TNRC6C: variants seen among roughly 807,000 people sequenced by gnomAD.
TNRC6C encodes trinucleotide repeat-containing gene 6C protein.
Under a neutral mutation model 153.7 loss-of-function variants are expected in TNRC6C, and 20 were observed. The ratio of observed to expected loss-of-function variants is 0.13; its 90% CI spans 0.09 to 0.19. The LOEUF is 0.19. Ranked by LOEUF, TNRC6C falls within the 10% of genes least tolerant of loss-of-function variation. The pLI, the probability that TNRC6C is intolerant of heterozygous loss-of-function variation, is 1.00. For synonymous variants in TNRC6C, 811 were observed against 841.4 expected (o/e 0.96, Z 0.63); for missense variants, 1,987 against 2,172.0 (o/e 0.91, Z 1.69).
At chr17:77,961,219 G>T (rs940545467) in intron 1 of TNRC6C, among the ~76,000 whole-genome samples, 4 of 150,106 alleles carry the variant, frequency 2.7e-5, no homozygotes, top group Admixed American at 6.6e-5. Context: ...GCAATGGCAC[G>T]ATCTCGGGTC....
chr17:78,090,587 A>G (rs1392612934), intron 13 of TNRC6C, among the ~76,000 whole-genome samples: 1 of 152,182 alleles, frequency 6.6e-6, no homozygotes, highest in African/African-American at 2.4e-5. Context: ...GCTCCAAACT[A>G]GTGTCCTCAT....
chr17:78,060,101 A>G (rs1280673008), intron 3 of TNRC6C, among the ~76,000 whole-genome samples: 1 of 152,154 alleles, frequency 6.6e-6, no homozygotes. Context: ...CCTCAAACAG[A>G]GTCCCCTGAC....
At chr17:77,964,593 C>A (rs75913502) in intron 1 of TNRC6C, among the ~76,000 whole-genome samples, 1 of 152,132 alleles carries the variant, frequency 6.6e-6, no homozygotes, top group Non-Finnish European at 1.5e-5. Flanking sequence ...AAGATCATTT[C>A]TTTTTAATTA....
intron 1 of TNRC6C, among the ~76,000 whole-genome samples, 182 bp downstream of exon 1, chr17:77,959,450 C>CGT (rs1198372206): frequency 6.6e-6 from 1 of 151,658 alleles, no homozygotes; most frequent in Non-Finnish European, 1.5e-5. Flanking sequence ...GGCCGGGGCG[C>CGT]GTGTGTGCTA....
At chr17:77,995,942 C>A (rs73997896) in intron 1 of TNRC6C, among the ~76,000 whole-genome samples, 16,561 of 152,142 alleles carry the variant, frequency 0.11, 1,673 homozygotes, top group African/African-American at 0.27. Context: ...GCATGGTGAT[C>A]TGTGCCTGTA....
intron 1 of TNRC6C, among the ~76,000 whole-genome samples, chr17:77,994,050 G>A (rs1246469184): frequency 2.0e-5 from 3 of 151,968 alleles, no homozygotes; most frequent in South Asian, 2.1e-4. Flanking sequence ...AAAATTAGCC[G>A]GGCATTGTGG....
At chr17:77,958,278 C>G (rs2070825464), upstream of TNRC6C, among the ~76,000 whole-genome samples, 1 of 152,024 alleles carries the variant, frequency 6.6e-6, no homozygotes, top group Non-Finnish European at 1.5e-5. Context: ...AGCACCCTAA[C>G]GCGGAGCCAC....
intron 1 of TNRC6C, among the ~76,000 whole-genome samples, chr17:77,997,848 G>T (rs1032555888): frequency 6.6e-6 from 1 of 151,724 alleles, no homozygotes; most frequent in Non-Finnish European, 1.5e-5. Flanking sequence ...TAGAGACGGG[G>T]TTTCACCGTG....
chr17:78,035,151 ATGACTTTGTT>A (rs771752986), intron 2 of TNRC6C, among the ~76,000 whole-genome samples: 12 of 152,094 alleles, frequency 7.9e-5, no homozygotes, highest in Admixed American at 1.3e-4. Context: ...CACCATTCCA[ATGACTTTGTT>A]TGATTTTGTC....
At chr17:78,069,393 T>C (rs2072946279) in intron 5 of TNRC6C, among the ~76,000 whole-genome samples, 1 of 152,098 alleles carries the variant, frequency 6.6e-6, no homozygotes, top group African/African-American at 2.4e-5. Context: ...AGCCAGCGTT[T>C]TGATTTTTTT....
At chr17:78,004,275 G>T, upstream of TNRC6C, 1 of 1,231,714 alleles carries the variant, frequency 8.1e-7, no homozygotes, top group Non-Finnish European at 1.0e-6. Context: ...AAAAGGTTTG[G>T]CTGAAGTTCC....
chr17:78,038,313 G>A (rs903883551), intron 2 of TNRC6C, among the ~76,000 whole-genome samples: 6 of 152,106 alleles, frequency 3.9e-5, no homozygotes, highest in African/African-American at 1.4e-4. Flanking sequence ...TCCCATAGAA[G>A]AATGGGCAAA....
Position 78,093,097 on chromosome 17 carries a change from A to G in TNRC6C, c.4135A>G (p.Asn1379Asp), listed in dbSNP as rs368032653. Residue 1379 changes from asparagine to aspartate, a missense_variant, in exon 15 of 20, where the codon AAT (asparagine) becomes GAT (aspartate). Around this residue, in one of 4 missense-constraint regions of TNRC6C, gnomAD observed 765 missense variants for 908.6 expected, o/e 0.84. Transcript: ENST00000301624. Reference sequence around the variant, plus strand: ...CAAATCTGACAGTGATAAAATCTCAAATGGCTCTAGCATCAACTGGCCCCC... The same window carrying G: ...CAAATCTGACAGTGATAAAATCTCAGATGGCTCTAGCATCAACTGGCCCCC... 2.5e-6 allele frequency: 4 copies of G among 1,613,054 alleles called. No individual in the cohort carries two copies. In the African/African-American group the frequency reaches 4.0e-5, roughly 16 times the overall value.
chr17:78,053,169 G>T (rs570253353), intron 3 of TNRC6C, among the ~76,000 whole-genome samples: 1 of 152,174 alleles, frequency 6.6e-6, no homozygotes, highest in East Asian at 1.9e-4. Flanking sequence ...TTGCGCTGCT[G>T]TTCTTACGCT....
intron 4 of TNRC6C, among the ~76,000 whole-genome samples, chr17:78,067,483 T>G (rs1177876168): frequency 1.3e-5 from 2 of 152,242 alleles, no homozygotes; most frequent in African/African-American, 4.8e-5. Context: ...TTAGCATGTT[T>G]ATGTTTCAGA....
intron 2 of TNRC6C, among the ~76,000 whole-genome samples, chr17:78,047,106 A>G (rs939322844): frequency 6.6e-6 from 1 of 152,158 alleles, no homozygotes; most frequent in African/African-American, 2.4e-5. Context: ...CTTATGGCAC[A>G]ACCTGTCCAT....
chr17:78,013,913 G>T (rs1158950193), intron 1 of TNRC6C, among the ~76,000 whole-genome samples: 1 of 152,224 alleles, frequency 6.6e-6, no homozygotes, highest in East Asian at 1.9e-4. Flanking sequence ...AGGCATCAAA[G>T]AGGAGTTGTG....
exon 20 of TNRC6C, chr17:78,106,905 T>G (rs1050128045): frequency 6.7e-6 from 1 of 149,396 alleles, no homozygotes; most frequent in Non-Finnish European, 1.5e-5. Context: ...AAAAAAGTCC[T>G]GCAAGACTGC....
chr17:78,079,421 T>C lies in TNRC6C; in HGVS notation c.3237T>C (p.Phe1079=), dbSNP rs757096496. Residue 1079 remains phenylalanine (F), a synonymous_variant, in exon 10 of 20, where the codon TTT becomes TTC. Transcript: ENST00000301624. The surrounding 1 kb of genome is among the most constrained non-coding windows in gnomAD (Gnocchi z 4.3). The stretch of plus-strand genomic sequence containing the variant: ...TACCGAGTGGCAATCTGGGTATGTT[T>C]GGCAATAGTGGAGCAGCACAAGCCA... The C allele has an allele frequency of 2.5e-6, 4 of 1,613,820 alleles. No homozygotes were observed. The highest frequency in any genetic ancestry group is 3.4e-6 in the Non-Finnish European group (4 of 1,179,884).
Sources: allele counts gnomAD v4.1 joint callset (sites outside exome capture counted in the v4.1 genomes callset), GRCh38; gene constraint gnomAD v4.1.1; regional missense constraint gnomAD v4.1.1; non-coding constraint Gnocchi (gnomAD v3.1); transcripts MANE v1.5; gene names NCBI Gene and HGNC (gene_info 2026-07-23, HGNC 2026-07-21).